The following CASP6 variants were observed in gnomAD, a reference collection of about 807,000 sequenced individuals.
CASP6 encodes caspase 6.
A neutral mutation model predicts 31.8 loss-of-function variants in CASP6; 20 were observed. That is an observed-to-expected ratio of 0.63 (90% CI 0.44 to 0.91). The LOEUF (loss-of-function observed/expected upper bound fraction) is 0.91. Ranked by LOEUF, CASP6 falls within the 40% of genes least tolerant of loss-of-function variation. The probability of loss-of-function intolerance (pLI) is 0.00; values close to 1 mark genes in which losing one functional copy is unlikely to be tolerated. For synonymous variants in CASP6, 130 were observed against 127.8 expected (o/e 1.02, Z -0.12); for missense variants, 328 against 361.1 (o/e 0.91, Z 0.74).
chr4:109,708,945 G>T, the CASP6 span, among the ~76,000 whole-genome samples: 14 of 152,154 alleles, frequency 9.2e-5, no homozygotes, highest in Non-Finnish European at 1.6e-4. Flanking sequence ...GGCTGCCCAG[G>T]TTCTACTCAC....
chr4:109,693,604 T>A (rs1255590197), intron 5 of CASP6, among the ~76,000 whole-genome samples: 1 of 149,754 alleles, frequency 6.7e-6, no homozygotes, highest in Non-Finnish European at 1.5e-5. Flanking sequence ...GGAGAATAAT[T>A]GAACCTGGGG....
the CASP6 span, among the ~76,000 whole-genome samples, chr4:109,670,698 A>T: frequency 6.6e-6 from 1 of 151,830 alleles, no homozygotes; most frequent in African/African-American, 2.4e-5. Context: ...CCTGGGCAAC[A>T]GAGCGAGGAG....
chr4:109,679,359 T>C, the CASP6 span, among the ~76,000 whole-genome samples: 2 of 151,896 alleles, frequency 1.3e-5, no homozygotes, highest in East Asian at 1.9e-4. Flanking sequence ...CTGGGCAACA[T>C]TGAGCACTGA....
chr4:109,697,031 C>T (rs1730266580), intron 3 of CASP6, among the ~76,000 whole-genome samples: 1 of 151,936 alleles, frequency 6.6e-6, no homozygotes. Context: ...TATGATCCAC[C>T]CGCCTCAGCC....
the CASP6 span, among the ~76,000 whole-genome samples, chr4:109,672,484 C>A: frequency 6.6e-6 from 1 of 152,306 alleles, no homozygotes; most frequent in East Asian, 1.9e-4. Flanking sequence ...CCTGAGGCTT[C>A]TTCTCCCAGT....
the CASP6 span, among the ~76,000 whole-genome samples, chr4:109,668,201 G>A: frequency 1.3e-5 from 2 of 151,922 alleles, no homozygotes; most frequent in African/African-American, 4.8e-5. Context: ...TTTTCTGCTT[G>A]GCAGATCTGT....
the CASP6 span, among the ~76,000 whole-genome samples, chr4:109,676,019 C>A: frequency 6.6e-6 from 1 of 152,060 alleles, no homozygotes; most frequent in Non-Finnish European, 1.5e-5. Context: ...AAAATTGGTA[C>A]CAGAAGTGGG....
At chr4:109,699,300 T>C (rs768063) in intron 1 of CASP6, among the ~76,000 whole-genome samples, 148,554 of 152,278 alleles carry the variant, frequency 0.98, 72,482 homozygotes, top group East Asian at 1. Context: ...CCCTAAAGCA[T>C]GGACTCTTAC....
chr4:109,674,873 T>C, the CASP6 span, among the ~76,000 whole-genome samples: 438 of 152,382 alleles, frequency 2.9e-3, no homozygotes, highest in African/African-American at 1.0e-2. Flanking sequence ...GTTGCTTATT[T>C]TTTACATAAG....
the CASP6 span, among the ~76,000 whole-genome samples, chr4:109,664,601 AT>A: frequency 6.6e-6 from 1 of 151,774 alleles, no homozygotes; most frequent in African/African-American, 2.4e-5. Context: ...ATTTTTTAAC[AT>A]TTTTTTAGGG....
At chr4:109,691,037 T>C in intron 5 of CASP6, 28 bp from the exon 6 acceptor site, 1 of 1,591,832 alleles carries the variant, frequency 6.3e-7, no homozygotes, top group Non-Finnish European at 8.6e-7. Flanking sequence ...AAAACCCACC[T>C]CTTTGCCTAC....
downstream of CASP6, among the ~76,000 whole-genome samples, chr4:109,685,539 G>GT (rs1029597740): frequency 6.6e-6 from 1 of 152,144 alleles, no homozygotes; most frequent in Non-Finnish European, 1.5e-5. Context: ...TCATATCCCA[G>GT]TTTTACTCTT....
downstream of CASP6, among the ~76,000 whole-genome samples, chr4:109,687,239 G>T (rs986880784): frequency 6.6e-6 from 1 of 151,924 alleles, no homozygotes; most frequent in Non-Finnish European, 1.5e-5. Flanking sequence ...GGCACCTGTG[G>T]TCCTAGCTAC....
intron 5 of CASP6, among the ~76,000 whole-genome samples, chr4:109,694,038 T>C (rs932263595): frequency 6.6e-6 from 1 of 152,158 alleles, no homozygotes; most frequent in Non-Finnish European, 1.5e-5. Flanking sequence ...CTGTAAAAAA[T>C]ACTTTTATCC....
downstream of CASP6, chr4:109,685,337 A>G (rs771070654): frequency 6.4e-7 from 1 of 1,569,232 alleles, no homozygotes; most frequent in Non-Finnish European, 8.8e-7. Flanking sequence ...ATGTGCAGCA[A>G]TACAACAAGT....
At chr4:109,665,633 A>G in the CASP6 span, among the ~76,000 whole-genome samples, 3 of 152,136 alleles carry the variant, frequency 2.0e-5, no homozygotes, top group Non-Finnish European at 4.4e-5. Flanking sequence ...TGCTGTGTAA[A>G]TGGTTGTTAT....
chr4:109,705,974 TAAAAAAAAAAA>T (rs59584573), upstream of CASP6, among the ~76,000 whole-genome samples: 67 of 29,338 alleles, frequency 2.3e-3, no homozygotes, highest in African/African-American at 5.9e-3. Flanking sequence ...AGACACTCTT[TAAAAAAAAAAA>T]AAAAAAAAAA....
At chr4:109,706,032 A>ATAT (rs1419095475), upstream of CASP6, among the ~76,000 whole-genome samples, 53 of 93,798 alleles carry the variant, frequency 5.7e-4, no homozygotes, top group African/African-American at 2.4e-3. Context: ...ATATATATAT[A>ATAT]ATATATATAA....
At chr4:109,682,681 G>A in the CASP6 span, 2 of 1,613,570 alleles carry the variant, frequency 1.2e-6, no homozygotes, top group Non-Finnish European at 1.7e-6. Flanking sequence ...CAGAAAAAGA[G>A]AGAGCACCAT....
Sources: allele counts gnomAD v4.1 joint callset (sites outside exome capture counted in the v4.1 genomes callset), GRCh38; gene constraint gnomAD v4.1.1; transcripts MANE v1.5; gene names NCBI Gene and HGNC (gene_info 2026-07-23, HGNC 2026-07-21).